The following MYLK variants were observed in gnomAD, a reference collection of about 807,000 sequenced individuals.
MYLK encodes the protein myosin light chain kinase, also known as myosin light chain kinase, smooth muscle.
A neutral mutation model predicts 203.4 loss-of-function variants in MYLK; 106 were observed. The observed-to-expected ratio is 0.52, with a 90% confidence interval of 0.45 to 0.61. MYLK has a LOEUF of 0.61. Ranked by LOEUF, MYLK falls within the 20% of genes least tolerant of loss-of-function variation. The pLI is 0.00. For synonymous variants in MYLK, 867 were observed against 959.5 expected (o/e 0.90, Z 1.78); for missense variants, 2,072 against 2,442.3 (o/e 0.85, Z 3.20).
Position 123,682,291 on chromosome 3 carries a change from G to A in MYLK, c.3585C>T (p.Asn1195=), listed in dbSNP as rs749091089. ...GGGATTTCATCTCTGGGGCCTTGGTGTTCTCACTGGCTGGAGCATCTGGAA... is the reference window on the plus strand; with the variant it reads ...GGGATTTCATCTCTGGGGCCTTGGTATTCTCACTGGCTGGAGCATCTGGAA... ...VTVDDAPASE[N]TKAPEMKSRR... is the part of the protein sequence containing the mutation. The change falls in exon 20 of 34, where the codon AAC becomes AAT. Residue 1195 remains asparagine, a synonymous_variant. Coordinates refer to ENST00000360304, the MANE Select transcript of MYLK (RefSeq NM_053025.4). The A allele has an allele frequency of 3.1e-6, 5 of 1,602,544 alleles. 1 individual carries two copies. In the South Asian group the frequency reaches 5.7e-5, roughly 18 times the overall value.
In MYLK at chr3:123,814,917, C is replaced by T. The variant is rs138406641; in HGVS notation, c.-4+16631G>A. 2.9e-3 allele frequency among the ~76,000 whole-genome samples: 435 copies of T among 152,116 alleles called. 1 individual carries two copies. The highest frequency in any genetic ancestry group is 9.9e-3 in the African/African-American group (411 of 41,492). ...AAGCAAGTCTCCTGTCTCAGCCTCCCGAGTAGCTAGGACTACAGGCACCTG... is the reference window on the plus strand; with the variant it reads ...AAGCAAGTCTCCTGTCTCAGCCTCCTGAGTAGCTAGGACTACAGGCACCTG... On this transcript the variant is annotated intron_variant, in intron 3 of 33. Coordinates refer to ENST00000360304, the MANE Select transcript of MYLK (RefSeq NM_053025.4).
intron 20 of MYLK, among the ~76,000 whole-genome samples, chr3:123,667,562 C>T (rs985467426): frequency 6.6e-6 from 1 of 151,638 alleles, no homozygotes; most frequent in Admixed American, 6.6e-5. Context: ...AGAGATTGCA[C>T]CACTGCACTC....
At chr3:123,856,926 C>A (rs1249432065) in intron 2 of MYLK, among the ~76,000 whole-genome samples, 1 of 151,972 alleles carries the variant, frequency 6.6e-6, no homozygotes, top group Non-Finnish European at 1.5e-5. Flanking sequence ...CCAGAATCTA[C>A]AATGAACTCA....
At chr3:123,780,470 T>G (rs1330038343) in intron 4 of MYLK, among the ~76,000 whole-genome samples, 1 of 152,174 alleles carries the variant, frequency 6.6e-6, no homozygotes, top group Non-Finnish European at 1.5e-5. Context: ...TGTATTTTTA[T>G]GAAACCATGT....
At chr3:123,702,407 C>T (rs1230957375) in intron 16 of MYLK, among the ~76,000 whole-genome samples, 3 of 152,200 alleles carry the variant, frequency 2.0e-5, no homozygotes, top group Admixed American at 2.0e-4. Context: ...GACACCCACA[C>T]GCAGTTCTTT....
At chr3:123,755,499 T>C (rs57941577) in intron 4 of MYLK, among the ~76,000 whole-genome samples, 313 of 152,362 alleles carry the variant, frequency 2.1e-3, no homozygotes, top group African/African-American at 7.4e-3. Context: ...GATACTTTTA[T>C]AGCACATTGG....
At chr3:123,731,886 C>T (rs181641829) in intron 11 of MYLK, among the ~76,000 whole-genome samples, 2 of 151,546 alleles carry the variant, frequency 1.3e-5, no homozygotes, top group African/African-American at 4.8e-5. Context: ...CCCATAAAAA[C>T]TTTTTAAAGA....
chr3:123,659,154 C>T (rs1379732356), intron 23 of MYLK, among the ~76,000 whole-genome samples: 1 of 152,186 alleles, frequency 6.6e-6, no homozygotes, highest in Non-Finnish European at 1.5e-5. Context: ...TTCAAGTCCT[C>T]TCAAGACCCA....
chr3:123,777,182 T>C (rs1056294534), intron 4 of MYLK, among the ~76,000 whole-genome samples: 2 of 152,408 alleles, frequency 1.3e-5, no homozygotes, highest in Admixed American at 6.5e-5. Flanking sequence ...ATTGTTTTAT[T>C]AGGCAACTGC....
At chr3:123,636,816 G>C (rs2058660420) in intron 29 of MYLK, among the ~76,000 whole-genome samples, 2 of 152,228 alleles carry the variant, frequency 1.3e-5, no homozygotes, top group Admixed American at 1.3e-4. Flanking sequence ...TGGTGGTGGG[G>C]CTAATCCCAG....
In MYLK at chr3:123,614,569, C is replaced by T. The variant is rs543002234; in HGVS notation, c.5501-220G>A. Among the ~76,000 whole-genome samples, 26 of 152,222 alleles carry T rather than the reference C, an allele frequency of 1.7e-4. No homozygotes were observed. The Middle Eastern group carries it at 0.014, about 80-fold the overall frequency. ...CCAAATAGAATATTTTAAAGTTGTT[C>T]CATTTCCCACACATGTTGGACTAGC... On this transcript the variant is annotated intron_variant, in intron 33 of 33. Transcript: ENST00000360304.
chr3:123,714,837 A>AC (rs2061836737), intron 13 of MYLK, among the ~76,000 whole-genome samples: 1 of 152,222 alleles, frequency 6.6e-6, no homozygotes, highest in Admixed American at 6.5e-5. Flanking sequence ...CAGAATGGAA[A>AC]AGGATTGATC....
chr3:123,762,584 T>C (rs2063570319), intron 4 of MYLK, among the ~76,000 whole-genome samples: 1 of 152,186 alleles, frequency 6.6e-6, no homozygotes, highest in African/African-American at 2.4e-5. Flanking sequence ...TTGAGTGTTT[T>C]TGTCCCCTCT....
At chr3:123,721,667 T>C (rs568618247) in intron 13 of MYLK, among the ~76,000 whole-genome samples, 1 of 151,786 alleles carries the variant, frequency 6.6e-6, no homozygotes, top group South Asian at 2.1e-4. Flanking sequence ...ATGTAAGGGG[T>C]CACTGGGAGG....
intron 3 of MYLK, among the ~76,000 whole-genome samples, chr3:123,796,002 T>C (rs866978070): frequency 6.6e-6 from 1 of 152,196 alleles, no homozygotes; most frequent in African/African-American, 2.4e-5. Flanking sequence ...TCATTTGTAA[T>C]AGGGCACATC....
chr3:123,806,465 A>T (rs1484303717), intron 3 of MYLK, among the ~76,000 whole-genome samples: 1 of 152,204 alleles, frequency 6.6e-6, no homozygotes, highest in Non-Finnish European at 1.5e-5. Context: ...GAGATGGGTC[A>T]AGAGAAATGT....
chr3:123,869,107 G>A lies in MYLK; in HGVS notation c.-127+7452C>T, dbSNP rs9869083. Among the ~76,000 whole-genome samples, 904 of 152,162 alleles carry A rather than the reference G, an allele frequency of 5.9e-3. 10 individuals carry two copies. The highest frequency in any genetic ancestry group is 0.021 in the African/African-American group (869 of 41,522). On this transcript the variant is annotated intron_variant, in intron 2 of 33. Coordinates refer to ENST00000360304, the MANE Select transcript of MYLK (RefSeq NM_053025.4). ...GGCCTCAGTCTGGGGTGAGCAGGGC[G>A]GCCTAGGAGCTGTAGTGCCCTTAAC...
chr3:123,637,302 G>A (rs1311389822), intron 29 of MYLK, among the ~76,000 whole-genome samples: 3 of 152,070 alleles, frequency 2.0e-5, no homozygotes, highest in African/African-American at 7.2e-5. Flanking sequence ...TACTCAGAGC[G>A]CAGTCGTTGA....
chr3:123,797,698 G>T (rs1459719828), intron 3 of MYLK, among the ~76,000 whole-genome samples: 2 of 152,190 alleles, frequency 1.3e-5, no homozygotes, highest in Non-Finnish European at 2.9e-5. Context: ...AGCTGGGCAA[G>T]GTGCTCCAAC....
Sources: gnomAD v4.1 joint callset for allele counts (sites outside exome capture counted in the v4.1 genomes callset) on GRCh38, gnomAD v4.1.1 for gene constraint, MANE v1.5 for transcripts, NCBI Gene and HGNC (gene_info 2026-07-23, HGNC 2026-07-21) for gene names.